Variants in STK3 observed in about 807,000 individuals in gnomAD.
STK3 encodes serine/threonine kinase 3, also known as serine/threonine-protein kinase 3.
Under a neutral mutation model 58.0 loss-of-function variants are expected in STK3, and 41 were observed. The ratio of observed to expected loss-of-function variants is 0.71; its 90% CI spans 0.55 to 0.92. The LOEUF (loss-of-function observed/expected upper bound fraction) is 0.92, where lower values mean the gene tolerates loss of function less well. Ranked by LOEUF, STK3 falls within the 40% of genes least tolerant of loss-of-function variation. The pLI is 0.00. For missense variants in STK3, 479 were observed against 602.7 expected (o/e 0.79, Z 2.15); for synonymous variants, 170 against 191.0 (o/e 0.89, Z 0.91).
chr8:98,634,512 AAAAT>A (rs1819493402), intron 6 of STK3, among the ~76,000 whole-genome samples: 1 of 152,152 alleles, frequency 6.6e-6, no homozygotes, highest in Middle Eastern at 3.4e-3. Context: ...AATAAAATAA[AAAAT>A]AAAGGCGGAA....
chr8:98,791,920 C>T (rs183631554), intron 1 of STK3, among the ~76,000 whole-genome samples: 28 of 152,264 alleles, frequency 1.8e-4, no homozygotes, highest in African/African-American at 6.3e-4. Flanking sequence ...GATTTCATGA[C>T]CAAGAACCCA....
intron 4 of STK3, among the ~76,000 whole-genome samples, chr8:98,718,605 C>A (rs1827191310): frequency 6.6e-6 from 1 of 152,086 alleles, no homozygotes; most frequent in Non-Finnish European, 1.5e-5. Context: ...GTAAAATATA[C>A]ACCAAAGATC....
chr8:98,452,999 G>A (rs1260365328), downstream of STK3, among the ~76,000 whole-genome samples: 2 of 104,010 alleles, frequency 1.9e-5, 1 homozygote, highest in Non-Finnish European at 3.9e-5. Context: ...GACCTCAAGT[G>A]ATCTGCTGGC....
chr8:98,711,811 C>G (rs1826477953), intron 4 of STK3, among the ~76,000 whole-genome samples: 1 of 152,122 alleles, frequency 6.6e-6, no homozygotes, highest in Admixed American at 6.5e-5. Flanking sequence ...TCAAGAAGAG[C>G]AACTCCAAGA....
intron 7 of STK3, among the ~76,000 whole-genome samples, chr8:98,586,411 A>G (rs199590391): frequency 1.3e-5 from 2 of 150,568 alleles, no homozygotes; most frequent in East Asian, 1.9e-4. Flanking sequence ...ATTGATTTGC[A>G]TATATTGAAC....
intron 6 of STK3, among the ~76,000 whole-genome samples, chr8:98,692,384 T>G (rs1015069491): frequency 6.6e-6 from 1 of 152,210 alleles, no homozygotes; most frequent in Non-Finnish European, 1.5e-5. Flanking sequence ...ATTCAGGCTT[T>G]AAAAGGAAGC....
chr8:98,865,109 G>A (rs1405588587), intron 3 of STK3, among the ~76,000 whole-genome samples: 1 of 152,152 alleles, frequency 6.6e-6, no homozygotes, highest in Non-Finnish European at 1.5e-5. Flanking sequence ...TAGAAGAAGA[G>A]GCCAGGCGTG....
chr8:98,639,378 G>T (rs1819848252), intron 6 of STK3, among the ~76,000 whole-genome samples: 1 of 152,192 alleles, frequency 6.6e-6, no homozygotes, highest in South Asian at 2.1e-4. Context: ...CTCCCAAAGT[G>T]CTGGGATTAT....
At position 98,441,605 on chromosome 8, in the gene STK3, G is replaced by C. The variant is rs114475369; in HGVS notation, n.186-4397C>G. ...AAACATAAAGTCTGTTTTCAAGTCA[G>C]ATGGAAACTCAGTAGTTACTGACTA... is the stretch of plus-strand genomic sequence containing the variant. On this transcript the variant is annotated intron_variant and non_coding_transcript_variant, in intron 1 of 3. Transcript: ENST00000517832. Among the ~76,000 whole-genome samples, 819 of 152,312 alleles carry C rather than the reference G, an allele frequency of 5.4e-3. 8 individuals are homozygous for C. Among genetic ancestry groups the C allele is most frequent in the African/African-American group, 0.019 (790 of 41,562 alleles).
the STK3 span, among the ~76,000 whole-genome samples, chr8:98,347,223 C>A: frequency 0.61 from 92,334 of 151,672 alleles, 29,052 homozygotes; most frequent in African/African-American, 0.76. Context: ...TTTTAAAAAA[C>A]CAGCGTATTG....
At chr8:98,738,967 G>A (rs192987690) in intron 4 of STK3, among the ~76,000 whole-genome samples, 1,667 of 152,342 alleles carry the variant, frequency 0.011, 43 homozygotes, top group African/African-American at 0.038. Context: ...AGGGTCCTAC[G>A]CCCAAGGAGT....
At chr8:98,408,704 C>G (rs1225790208) in intron 3 of STK3, among the ~76,000 whole-genome samples, 1 of 152,232 alleles carries the variant, frequency 6.6e-6, no homozygotes, top group Non-Finnish European at 1.5e-5. Flanking sequence ...AATTCAAAGC[C>G]AGAGGCTGGC....
the STK3 span, among the ~76,000 whole-genome samples, chr8:98,359,859 C>T: frequency 6.6e-6 from 1 of 152,172 alleles, no homozygotes; most frequent in South Asian, 2.1e-4. Context: ...CATTCTGAAA[C>T]CCTGTAGCTC....
chr8:98,670,430 C>G (rs1337352154), intron 6 of STK3, among the ~76,000 whole-genome samples: 2 of 152,082 alleles, frequency 1.3e-5, no homozygotes, highest in East Asian at 3.8e-4. Flanking sequence ...AAGCAATAAT[C>G]TAGATGCAAA....
chr8:98,406,292 GTTAT>G (rs1433613652), intron 3 of STK3, among the ~76,000 whole-genome samples: 4 of 133,156 alleles, frequency 3.0e-5, no homozygotes, highest in Non-Finnish European at 4.7e-5. Context: ...TTTATTTTAT[GTTAT>G]TTATTTCGGC....
intron 3 of STK3, among the ~76,000 whole-genome samples, chr8:98,848,738 A>C (rs1271354704): frequency 6.6e-6 from 1 of 152,136 alleles, no homozygotes; most frequent in Admixed American, 6.5e-5. Context: ...CATTTTCCTC[A>C]ACCATTCATT....
intron 3 of STK3, among the ~76,000 whole-genome samples, chr8:98,414,742 TGCCAGTGGG>T (rs1204995259): frequency 6.6e-6 from 1 of 152,194 alleles, no homozygotes; most frequent in African/African-American, 2.4e-5. Flanking sequence ...ACAAATGACA[TGCCAGTGGG>T]TATGATGTGG....
At chr8:98,869,723 C>T (rs958717564) in intron 3 of STK3, among the ~76,000 whole-genome samples, 1 of 151,688 alleles carries the variant, frequency 6.6e-6, no homozygotes, top group African/African-American at 2.4e-5. Context: ...AATTTGAATC[C>T]ATTTATACAG....
chr8:98,795,478 GA>G (rs1288112869), intron 1 of STK3, among the ~76,000 whole-genome samples: 1 of 151,916 alleles, frequency 6.6e-6, no homozygotes, highest in African/African-American at 2.4e-5. Context: ...TTGAGAACTG[GA>G]ATAAGACAAG....
Sources: gnomAD v4.1 joint callset for allele counts (sites outside exome capture counted in the v4.1 genomes callset) on GRCh38, gnomAD v4.1.1 for gene constraint, MANE v1.5 for transcripts, NCBI Gene and HGNC (gene_info 2026-07-23, HGNC 2026-07-21) for gene names.